The following MECOM variants were observed in gnomAD, a reference collection of about 807,000 sequenced individuals.
The protein encoded by MECOM is histone-lysine N-methyltransferase MECOM.
Under a neutral mutation model 116.3 loss-of-function variants are expected in MECOM, and 13 were observed. The ratio of observed to expected loss-of-function variants is 0.11; its 90% CI spans 0.07 to 0.18. The LOEUF (loss-of-function observed/expected upper bound fraction) is 0.18. Among genes scored for constraint, MECOM ranks in the 10% least tolerant of loss-of-function variants. The pLI, the probability that MECOM is intolerant of heterozygous loss-of-function variation, is 1.00. For synonymous variants in MECOM, 528 were observed against 535.2 expected, an observed-to-expected ratio of 0.99 and a Z score of 0.19; for missense variants, 1,299 against 1,509.0, an observed-to-expected ratio of 0.86 and a Z score of 2.31.
At position 169,339,756 on chromosome 3, in the gene MECOM, TA is replaced by T. The variant is rs926663604; in HGVS notation, c.375+41430del. 1.1e-3 allele frequency among the ~76,000 whole-genome samples: 163 copies of T among 151,626 alleles called. 2 individuals are homozygous for T. Among genetic ancestry groups the T allele is most frequent in the East Asian group, 7.2e-3 (37 of 5,168 alleles). ...AACAAAACAAGTAAAAAATGACATT[TA>T]AAAAAAAACTAAACTGAAATCACCA... On this transcript the variant is annotated intron_variant, in intron 2 of 16. Transcript: ENST00000651503.
intron 1 of MECOM, among the ~76,000 whole-genome samples, chr3:169,484,304 TAAA>T (rs1308178696): frequency 6.6e-6 from 1 of 151,622 alleles, no homozygotes. Flanking sequence ...AAAGAGGAGA[TAAA>T]GAAGAGGGCT....
chr3:169,485,970 A>ATGTG (rs1560340734), intron 1 of MECOM, among the ~76,000 whole-genome samples: 4 of 97,732 alleles, frequency 4.1e-5, no homozygotes, highest in Admixed American at 2.3e-4. Flanking sequence ...TATACTATAT[A>ATGTG]TACATATATA....
In MECOM at chr3:169,128,066, A is replaced by C; in HGVS notation, c.614-6T>G. 1 of 1,613,872 alleles carries C rather than the reference A, an allele frequency of 6.2e-7. No homozygotes were observed. The highest frequency in any genetic ancestry group is 8.5e-7 in the Non-Finnish European group (1 of 1,179,812). On this transcript the variant is annotated splice_region_variant and splice_polypyrimidine_tract_variant and intron_variant, in intron 4 of 16. Coordinates refer to ENST00000651503, the MANE Select transcript of MECOM (RefSeq NM_004991.4). ...GCAGCGATATTGCCGTTCTTCTGTG[A>C]AAACAATTCAGGTGTTAGGATTGGG... is the stretch of plus-strand genomic sequence containing the variant.
intron 2 of MECOM, among the ~76,000 whole-genome samples, chr3:169,341,244 A>C (rs1270518387): frequency 6.6e-6 from 1 of 152,142 alleles, no homozygotes; most frequent in Non-Finnish European, 1.5e-5. Context: ...ATGTTGCAAC[A>C]ACATGGATGG....
intron 1 of MECOM, among the ~76,000 whole-genome samples, chr3:169,594,139 A>C (rs1232239393): frequency 2.2e-5 from 3 of 136,350 alleles, no homozygotes; most frequent in African/African-American, 9.1e-5. Flanking sequence ...CTCAACGACA[A>C]CACCACCACC....
chr3:169,189,129 T>C (rs1213549967), intron 2 of MECOM, among the ~76,000 whole-genome samples: 1 of 152,124 alleles, frequency 6.6e-6, no homozygotes, highest in African/African-American at 2.4e-5. Flanking sequence ...AATGAATCCA[T>C]AACTTTGAGA....
intron 2 of MECOM, among the ~76,000 whole-genome samples, chr3:169,319,741 T>G (rs1192052026): frequency 1.3e-5 from 2 of 152,208 alleles, no homozygotes; most frequent in African/African-American, 4.8e-5. Flanking sequence ...TATCAATCTC[T>G]CTTCTGCCCT....
At chr3:169,358,528 C>T in intron 2 of MECOM, among the ~76,000 whole-genome samples, 1 of 131,952 alleles carries the variant, frequency 7.6e-6, no homozygotes, top group East Asian at 2.2e-4. Context: ...TTTAGAGCCA[C>T]AAAAAAAAAA....
At chr3:169,205,459 T>C (rs1038459911) in intron 2 of MECOM, among the ~76,000 whole-genome samples, 4 of 152,228 alleles carry the variant, frequency 2.6e-5, no homozygotes, top group African/African-American at 9.6e-5. Context: ...GGCCACACCG[T>C]ACTGTACATT....
chr3:169,313,692 C>T (rs1250654049), intron 2 of MECOM, among the ~76,000 whole-genome samples: 1 of 152,142 alleles, frequency 6.6e-6, no homozygotes, highest in Admixed American at 6.5e-5. Context: ...TGGTTATTAT[C>T]AGCTGACAGT....
intron 2 of MECOM, among the ~76,000 whole-genome samples, chr3:169,282,493 A>T (rs1276522637): frequency 5.3e-5 from 8 of 152,228 alleles, no homozygotes; most frequent in Admixed American, 3.3e-4. Context: ...GCCACATGCT[A>T]TGAATAATGA....
chr3:169,444,922 A>G (rs1431085139), intron 1 of MECOM, among the ~76,000 whole-genome samples: 1 of 152,200 alleles, frequency 6.6e-6, no homozygotes, highest in Non-Finnish European at 1.5e-5. Flanking sequence ...TAGCAAAGAG[A>G]CTGGAGGCAT....
intron 1 of MECOM, among the ~76,000 whole-genome samples, chr3:169,410,581 A>ATC (rs34896546): frequency 0.044 from 6,723 of 152,214 alleles, 459 homozygotes; most frequent in Admixed American, 0.19. Context: ...AATACTTGTT[A>ATC]TCAGAGAAGA....
intron 1 of MECOM, among the ~76,000 whole-genome samples, chr3:169,437,360 A>G (rs1742829934): frequency 6.6e-6 from 1 of 152,236 alleles, no homozygotes; most frequent in Non-Finnish European, 1.5e-5. Flanking sequence ...CCTAGTTTCT[A>G]TACAGGAAGG....
chr3:169,388,024 C>T (rs2108317608), intron 1 of MECOM, among the ~76,000 whole-genome samples: 1 of 152,062 alleles, frequency 6.6e-6, no homozygotes, highest in East Asian at 1.9e-4. Flanking sequence ...AGCGCCAGTA[C>T]TTTGTGCCCA....
At chr3:169,296,917 A>G (rs1394521591) in intron 2 of MECOM, among the ~76,000 whole-genome samples, 4 of 152,226 alleles carry the variant, frequency 2.6e-5, no homozygotes, top group African/African-American at 9.7e-5. Flanking sequence ...TTAGAAAAAC[A>G]AAACTCATTG....
At chr3:169,302,019 T>C (rs1308559985) in intron 2 of MECOM, among the ~76,000 whole-genome samples, 1 of 152,216 alleles carries the variant, frequency 6.6e-6, no homozygotes, top group Non-Finnish European at 1.5e-5. Context: ...AGTGAATATA[T>C]GCCTCCTAAA....
At chr3:169,644,300 A>G (rs1462036714) in intron 1 of MECOM, among the ~76,000 whole-genome samples, 2 of 151,904 alleles carry the variant, frequency 1.3e-5, no homozygotes, top group Non-Finnish European at 2.9e-5. Flanking sequence ...TCTGTCGCCC[A>G]GGCTGGAGGG....
At chr3:169,413,884 C>A (rs1045983699) in intron 1 of MECOM, among the ~76,000 whole-genome samples, 3 of 152,204 alleles carry the variant, frequency 2.0e-5, no homozygotes, top group African/African-American at 7.2e-5. Flanking sequence ...GCAGCAGCCC[C>A]AGTCAGGAGC....
Sources: allele counts gnomAD v4.1 joint callset (sites outside exome capture counted in the v4.1 genomes callset), GRCh38; gene constraint gnomAD v4.1.1; transcripts MANE v1.5; gene names NCBI Gene and HGNC (gene_info 2026-07-23, HGNC 2026-07-21).